The following PDXDC1 variants were observed in gnomAD, a reference collection of about 807,000 sequenced individuals.
The protein encoded by PDXDC1 is pyridoxal dependent decarboxylase domain containing 1.
In PDXDC1, 42 loss-of-function variants were observed where a neutral mutation model predicts 100.1. The observed-to-expected ratio is 0.42, with a 90% CI of 0.33 to 0.54. The LOEUF (loss-of-function observed/expected upper bound fraction) is 0.54, where lower values mean the gene tolerates loss of function less well. Among genes scored for constraint, PDXDC1 ranks in the 20% least tolerant of loss-of-function variants. PDXDC1 has a pLI of 0.10. For missense variants in PDXDC1, 636 were observed against 979.2 expected (o/e 0.65, Z 4.68); for synonymous variants, 260 against 371.7 (o/e 0.70, Z 3.46).
At chr16:15,096,896 C>CGGCCCAA (rs2046377883) in intron 16 of PDXDC1, among the ~76,000 whole-genome samples, 1 of 152,116 alleles carries the variant, frequency 6.6e-6, no homozygotes, top group East Asian at 1.9e-4. Flanking sequence ...CTTGAACCCC[C>CGGCCCAA]GGCCCAAGTG....
At chr16:15,057,938 G>C (rs1214210199) in intron 16 of PDXDC1, among the ~76,000 whole-genome samples, 1 of 152,138 alleles carries the variant, frequency 6.6e-6, no homozygotes, top group Non-Finnish European at 1.5e-5. Context: ...AAATGAGCCA[G>C]ATAACAAGCA....
intron 16 of PDXDC1, among the ~76,000 whole-genome samples, chr16:15,126,192 GC>G (rs1348146799): frequency 1.3e-5 from 2 of 151,522 alleles, no homozygotes; most frequent in African/African-American, 2.4e-5. Flanking sequence ...CTGCCACGAT[GC>G]CCAGCTGATT....
intron 16 of PDXDC1, among the ~76,000 whole-genome samples, chr16:15,132,408 CAGGGGAGGGGCTAGGGGAGGGAAGGGGG>C: frequency 3.2e-5 from 1 of 31,600 alleles, no homozygotes; most frequent in Non-Finnish European, 6.3e-5. Flanking sequence ...AGGGAAGGGG[CAGGGGAGGGGCTAGGGGAGGGAAGGGGG>C]AGGGGAGGGG....
chr16:15,099,419 C>CA (rs768689960), intron 16 of PDXDC1, among the ~76,000 whole-genome samples: 7,622 of 37,218 alleles, frequency 0.2, 498 homozygotes, highest in Non-Finnish European at 0.27. Flanking sequence ...GACTTGGTCT[C>CA]AAAAAAAAAA....
downstream of PDXDC1, among the ~76,000 whole-genome samples, chr16:15,144,040 G>A (rs1393807073): frequency 2.0e-5 from 3 of 152,204 alleles, no homozygotes; most frequent in East Asian, 5.8e-4. Context: ...GGCAGGGGCA[G>A]GACAGGACGC....
chr16:15,125,756 C>G (rs767562885), intron 16 of PDXDC1: 3 of 1,508,088 alleles, frequency 2.0e-6, no homozygotes, highest in Non-Finnish European at 1.8e-6. Context: ...AGGCAGCTGT[C>G]GATGTCCAGC....
intron 16 of PDXDC1, among the ~76,000 whole-genome samples, chr16:15,093,466 C>CAA (rs2046222257): frequency 6.6e-6 from 1 of 152,188 alleles, no homozygotes; most frequent in African/African-American, 2.4e-5. Flanking sequence ...CCTTTCCCCC[C>CAA]TATGCTGTAA....
intron 16 of PDXDC1, chr16:15,047,674 G>C: frequency 3.3e-6 from 3 of 920,096 alleles, no homozygotes; most frequent in South Asian, 1.4e-5. Flanking sequence ...AAAACGGACA[G>C]GTCTGTGCTC....
chr16:15,042,139 T>C (rs916117331), downstream of PDXDC1, among the ~76,000 whole-genome samples: 1 of 151,928 alleles, frequency 6.6e-6, no homozygotes, highest in African/African-American at 2.4e-5. Flanking sequence ...TTTTCTTCCA[T>C]ATTTTTCTAA....
chr16:14,989,959 C>T (rs1297111282), intron 1 of PDXDC1: 6 of 1,461,752 alleles, frequency 4.1e-6, no homozygotes, highest in Non-Finnish European at 4.5e-6. Flanking sequence ...CGGGTGGCCG[C>T]CTCCAGGCAG....
chr16:15,015,328 G>C (rs1183062304), intron 8 of PDXDC1, among the ~76,000 whole-genome samples: 1 of 152,274 alleles, frequency 6.6e-6, no homozygotes, highest in Non-Finnish European at 1.5e-5. Flanking sequence ...AGTTTATCTT[G>C]GACAAATGCT....
At chr16:15,094,208 C>T (rs1185280098) in intron 16 of PDXDC1, 1 of 1,597,752 alleles carries the variant, frequency 6.3e-7, no homozygotes, top group South Asian at 1.1e-5. Flanking sequence ...TCCCGGCAAA[C>T]GCGTGTGAAG....
chr16:14,985,161 G>A (rs1473351505), intron 1 of PDXDC1, among the ~76,000 whole-genome samples: 1 of 152,246 alleles, frequency 6.6e-6, no homozygotes, highest in East Asian at 1.9e-4. Context: ...ACAGGTGTGA[G>A]CCACTGCCTA....
intron 1 of PDXDC1, chr16:14,996,488 T>C (rs533121775): frequency 1.0e-5 from 2 of 197,352 alleles, no homozygotes; most frequent in East Asian, 1.7e-4. Flanking sequence ...TCATACTACA[T>C]AGAGATTGAA....
chr16:15,148,007 T>C, the PDXDC1 span, among the ~76,000 whole-genome samples: 1 of 151,780 alleles, frequency 6.6e-6, no homozygotes, highest in Non-Finnish European at 1.5e-5. Flanking sequence ...TTGTTTTTTT[T>C]TTAAAGACCG....
At chr16:14,991,267 A>ATGTG (rs10642182) in intron 1 of PDXDC1, among the ~76,000 whole-genome samples, 30,212 of 147,396 alleles carry the variant, frequency 0.2, 80 homozygotes, top group Non-Finnish European at 0.28. Flanking sequence ...GTATATAGAT[A>ATGTG]TGTGTGTGTG....
chr16:15,004,144 C>T (rs765979959), intron 4 of PDXDC1, 43 bp from the exon 5 acceptor site: 5 of 1,567,602 alleles, frequency 3.2e-6, no homozygotes, highest in East Asian at 4.6e-5. Context: ...GTTCTATGTC[C>T]TTTTTTATGG....
chr16:15,044,521 G>T (rs2151703841), intron 16 of PDXDC1: 1 of 741,614 alleles, frequency 1.3e-6, no homozygotes. Context: ...CAGCAGAGCT[G>T]CAGGTCATCT....
At chr16:15,060,778 C>T (rs1451155379) in intron 16 of PDXDC1, 1 of 152,270 alleles carries the variant, frequency 6.6e-6, no homozygotes, top group Non-Finnish European at 1.5e-5. Flanking sequence ...CAACTTCCAC[C>T]TATTGTTGTG....
Sources: gnomAD v4.1 joint callset for allele counts (sites outside exome capture counted in the v4.1 genomes callset) on GRCh38, gnomAD v4.1.1 for gene constraint, MANE v1.5 for transcripts, NCBI Gene and HGNC (gene_info 2026-07-23, HGNC 2026-07-21) for gene names.